The following MALRD1 variants were observed in gnomAD, a reference collection of about 807,000 sequenced individuals.
The protein encoded by MALRD1 is MAM and LDL-receptor class A domain-containing protein 1.
A neutral mutation model predicts 242.1 loss-of-function variants in MALRD1; 247 were observed. The ratio of observed to expected loss-of-function variants is 1.02; its 90% CI spans 0.92 to 1.13. The LOEUF is 1.13. Among genes scored for constraint, MALRD1 ranks in the 50% most tolerant of loss-of-function variants. The pLI, the probability that MALRD1 is intolerant of heterozygous loss-of-function variation, is 0.00. For synonymous variants in MALRD1, 995 were observed against 866.6 expected (o/e 1.15, Z -2.60); for missense variants, 2,989 against 2,533.1 (o/e 1.18, Z -3.86).
In MALRD1 at chr10:19,583,667, G is replaced by C. The variant is rs540093761; in HGVS notation, c.5681-11527G>C. Among the ~76,000 whole-genome samples, 36 of 152,132 alleles carry C rather than the reference G, an allele frequency of 2.4e-4. No individual in the cohort carries two copies. In the South Asian group the frequency reaches 7.3e-3, roughly 31 times the overall value. On this transcript the variant is annotated intron_variant, in intron 33 of 39. Transcript: ENST00000454679. ...ATTTTTGCATCAATGTTCATCAAGG[G>C]TATTGGTCTAAAATTCTCTTTTTTG...
At chr10:19,506,924 G>A (rs139507265) in intron 31 of MALRD1, among the ~76,000 whole-genome samples, 9 of 152,160 alleles carry the variant, frequency 5.9e-5, no homozygotes, top group African/African-American at 2.2e-4. Flanking sequence ...AAGAAATTTA[G>A]TTGACTCACA....
At chr10:19,486,258 A>G (rs1033205026) in intron 29 of MALRD1, among the ~76,000 whole-genome samples, 1 of 152,218 alleles carries the variant, frequency 6.6e-6, no homozygotes. Context: ...TTCACAGACC[A>G]ACATACCTTT....
intron 13 of MALRD1, 64 bp downstream of exon 13, chr10:19,165,874 A>G: frequency 8.8e-7 from 1 of 1,137,870 alleles, no homozygotes; most frequent in Non-Finnish European, 1.1e-6. Context: ...AACCTTTCAG[A>G]TAACAATATA....
At chr10:19,378,382 C>T (rs1395677410) in intron 26 of MALRD1, among the ~76,000 whole-genome samples, 2 of 152,126 alleles carry the variant, frequency 1.3e-5, no homozygotes, top group African/African-American at 2.4e-5. Flanking sequence ...TTCTATACCA[C>T]TGTATCAACA....
At chr10:19,731,058 G>GA (rs1835276160) in intron 39 of MALRD1, among the ~76,000 whole-genome samples, 1 of 152,156 alleles carries the variant, frequency 6.6e-6, no homozygotes, top group East Asian at 1.9e-4. Context: ...AAAAAGAGCT[G>GA]AAAAATCTGG....
At chr10:19,673,687 A>G (rs975847830) in intron 36 of MALRD1, among the ~76,000 whole-genome samples, 1 of 152,148 alleles carries the variant, frequency 6.6e-6, no homozygotes. Context: ...CCTAGATTGA[A>G]GCATGTGGTA....
intron 2 of MALRD1, among the ~76,000 whole-genome samples, chr10:19,075,378 G>A (rs886251806): frequency 6.6e-6 from 1 of 152,026 alleles, no homozygotes; most frequent in African/African-American, 2.4e-5. Flanking sequence ...AGTGGGCTCA[G>A]TGTAATCACA....
chr10:19,448,357 T>G (rs746374578), intron 28 of MALRD1, among the ~76,000 whole-genome samples: 3 of 152,176 alleles, frequency 2.0e-5, no homozygotes, highest in Non-Finnish European at 4.4e-5. Context: ...TTCTTGTGAA[T>G]CATCATGAAA....
chr10:19,053,263 T>C (rs925092802), intron 1 of MALRD1, among the ~76,000 whole-genome samples: 7 of 152,236 alleles, frequency 4.6e-5, no homozygotes, highest in African/African-American at 1.4e-4. Context: ...TTTACTTGCC[T>C]GTAATTGCTT....
chr10:19,629,926 A>G (rs958739532), intron 36 of MALRD1, among the ~76,000 whole-genome samples: 1 of 152,172 alleles, frequency 6.6e-6, no homozygotes, highest in African/African-American at 2.4e-5. Context: ...TCTCTGCCTT[A>G]CAGAAGCAGA....
At chr10:19,085,029 T>C (rs2358299) in intron 2 of MALRD1, among the ~76,000 whole-genome samples, 81,801 of 151,708 alleles carry the variant, frequency 0.54, 22,220 homozygotes, top group Middle Eastern at 0.6. Flanking sequence ...AGATATATGA[T>C]GATAATGGTG....
At chr10:19,086,032 T>G (rs1457769679) in intron 2 of MALRD1, among the ~76,000 whole-genome samples, 10 of 152,086 alleles carry the variant, frequency 6.6e-5, no homozygotes, top group Non-Finnish European at 1.3e-4. Flanking sequence ...CAACTAATGA[T>G]AGTCCACTTG....
chr10:19,343,879 T>C (rs1447211104), intron 24 of MALRD1, among the ~76,000 whole-genome samples: 1 of 152,146 alleles, frequency 6.6e-6, no homozygotes, highest in Non-Finnish European at 1.5e-5. Context: ...TGAGGAGTAA[T>C]ATCTCACCAT....
intron 28 of MALRD1, among the ~76,000 whole-genome samples, chr10:19,409,044 A>T (rs1164979779): frequency 6.6e-6 from 1 of 152,218 alleles, no homozygotes; most frequent in Non-Finnish European, 1.5e-5. Context: ...ATCTAGCAAC[A>T]ACATTCTTTG....
intron 36 of MALRD1, among the ~76,000 whole-genome samples, chr10:19,648,923 T>C (rs1351912062): frequency 6.6e-6 from 1 of 152,130 alleles, no homozygotes; most frequent in Non-Finnish European, 1.5e-5. Context: ...CTGGTGCCCG[T>C]TGTTTCCTTC....
At chr10:19,454,403 A>G (rs938944820) in intron 29 of MALRD1, among the ~76,000 whole-genome samples, 4 of 35,980 alleles carry the variant, frequency 1.1e-4, no homozygotes, top group African/African-American at 5.4e-4. Flanking sequence ...GATTATGCAT[A>G]TGATATATAT....
chr10:19,290,917 A>C (rs1333875958), intron 21 of MALRD1, among the ~76,000 whole-genome samples: 1 of 152,088 alleles, frequency 6.6e-6, no homozygotes, highest in African/African-American at 2.4e-5. Flanking sequence ...TGACCTACAC[A>C]ATTAGTTTAA....
chr10:19,325,555 G>C (rs548590816), intron 22 of MALRD1, among the ~76,000 whole-genome samples: 1 of 151,974 alleles, frequency 6.6e-6, no homozygotes, highest in African/African-American at 2.4e-5. Context: ...AGTAATATGC[G>C]TAGACACCTC....
At chr10:19,584,575 C>G (rs560951832) in intron 33 of MALRD1, among the ~76,000 whole-genome samples, 4 of 152,240 alleles carry the variant, frequency 2.6e-5, no homozygotes, top group East Asian at 1.9e-4. Context: ...TTTGATTGCA[C>G]TGTGGTCTGA....
Sources: gnomAD v4.1 joint callset for allele counts (sites outside exome capture counted in the v4.1 genomes callset) on GRCh38, gnomAD v4.1.1 for gene constraint, MANE v1.5 for transcripts, NCBI Gene and HGNC (gene_info 2026-07-23, HGNC 2026-07-21) for gene names.